The following ROR1 variants were observed in gnomAD, a reference collection of about 807,000 sequenced individuals.
ROR1 encodes the protein inactive tyrosine-protein kinase transmembrane receptor ROR1.
Under a neutral mutation model 78.8 loss-of-function variants are expected in ROR1, and 19 were observed. The ratio of observed to expected loss-of-function variants is 0.24; its 90% CI spans 0.17 to 0.35. The LOEUF (loss-of-function observed/expected upper bound fraction) is 0.35. Ranked by LOEUF, ROR1 falls within the 10% of genes least tolerant of loss-of-function variation. The pLI is 1.00. For synonymous variants in ROR1, 386 were observed against 433.6 expected, an observed-to-expected ratio of 0.89 and a Z score of 1.36; for missense variants, 917 against 1,177.8, an observed-to-expected ratio of 0.78 and a Z score of 3.24.
At chr1:63,836,268 T>C (rs983716028) in intron 1 of ROR1, among the ~76,000 whole-genome samples, 3 of 152,184 alleles carry the variant, frequency 2.0e-5, no homozygotes, top group African/African-American at 7.2e-5. Flanking sequence ...TTCACACTCA[T>C]TGTAGTGTCT....
At chr1:63,913,217 G>A (rs1346513690) in intron 1 of ROR1, among the ~76,000 whole-genome samples, 2 of 151,966 alleles carry the variant, frequency 1.3e-5, no homozygotes, top group Admixed American at 1.3e-4. Flanking sequence ...CACAAAATAT[G>A]GATATATTAA....
intron 1 of ROR1, among the ~76,000 whole-genome samples, chr1:63,899,381 C>T (rs896054932): frequency 1.3e-5 from 2 of 152,150 alleles, no homozygotes; most frequent in African/African-American, 4.8e-5. Context: ...GAATCTTTTG[C>T]CTTTTCTTTC....
chr1:64,058,898 G>A (rs1218620459), intron 4 of ROR1, among the ~76,000 whole-genome samples: 1 of 152,074 alleles, frequency 6.6e-6, no homozygotes, highest in African/African-American at 2.4e-5. Flanking sequence ...AGAAGAGTTT[G>A]TAAAGGATTT....
intron 7 of ROR1, among the ~76,000 whole-genome samples, chr1:64,150,277 C>T (rs1454372720): frequency 6.6e-6 from 1 of 151,780 alleles, no homozygotes; most frequent in Non-Finnish European, 1.5e-5. Context: ...AACCATTTGG[C>T]TCCATTTGGA....
At chr1:64,024,905 T>C (rs1272244895) in intron 2 of ROR1, among the ~76,000 whole-genome samples, 1 of 152,260 alleles carries the variant, frequency 6.6e-6, no homozygotes, top group African/African-American at 2.4e-5. Context: ...CTCTAACATA[T>C]TAATTTTTCT....
At chr1:64,028,803 A>G (rs961981789) in intron 2 of ROR1, 1 of 152,058 alleles carries the variant, frequency 6.6e-6, no homozygotes, top group Non-Finnish European at 1.5e-5. Context: ...ATCCAGTTAT[A>G]CTCTTTTAGT....
intron 1 of ROR1, among the ~76,000 whole-genome samples, chr1:63,931,730 G>A (rs1266882226): frequency 1.3e-5 from 2 of 152,130 alleles, no homozygotes; most frequent in Non-Finnish European, 2.9e-5. Flanking sequence ...GATCCTCACA[G>A]TGTATACTCA....
intron 1 of ROR1, among the ~76,000 whole-genome samples, chr1:63,836,008 CA>C (rs1244772997): frequency 1.3e-5 from 2 of 152,176 alleles, no homozygotes; most frequent in Non-Finnish European, 2.9e-5. Context: ...TGTCTCCCAG[CA>C]GAGATTTTAT....
intron 1 of ROR1, among the ~76,000 whole-genome samples, chr1:63,803,914 A>G (rs1041239074): frequency 6.6e-6 from 1 of 152,226 alleles, no homozygotes; most frequent in Non-Finnish European, 1.5e-5. Flanking sequence ...GGATGGGTCC[A>G]AAGGGAATTG....
chr1:63,897,482 G>A (rs1233913901), intron 1 of ROR1, among the ~76,000 whole-genome samples: 1 of 152,102 alleles, frequency 6.6e-6, no homozygotes, highest in Non-Finnish European at 1.5e-5. Flanking sequence ...TAGTGAAATC[G>A]AGGCTATGTT....
At chr1:64,168,710 T>G (rs1650156066) in intron 8 of ROR1, among the ~76,000 whole-genome samples, 1 of 152,246 alleles carries the variant, frequency 6.6e-6, no homozygotes, top group Non-Finnish European at 1.5e-5. Flanking sequence ...GGTTCTTATA[T>G]TTTTCTCTAC....
intron 1 of ROR1, among the ~76,000 whole-genome samples, chr1:63,902,483 A>T (rs1206257852): frequency 6.7e-6 from 1 of 149,482 alleles, no homozygotes; most frequent in East Asian, 2.0e-4. Context: ...ATGCCCAGCT[A>T]TTTTTTTTTT....
intron 8 of ROR1, among the ~76,000 whole-genome samples, chr1:64,160,236 T>C (rs2100730723): frequency 6.6e-6 from 1 of 152,258 alleles, no homozygotes; most frequent in South Asian, 2.1e-4. Flanking sequence ...AATCCTCTTA[T>C]CTAATAAATG....
At chr1:64,019,733 G>A (rs1200840262) in intron 2 of ROR1, among the ~76,000 whole-genome samples, 1 of 152,120 alleles carries the variant, frequency 6.6e-6, no homozygotes, top group Non-Finnish European at 1.5e-5. Context: ...GAGATACTGT[G>A]ACAGATTTAC....
intron 1 of ROR1, chr1:63,843,683 C>T: frequency 1.8e-6 from 1 of 540,724 alleles, no homozygotes. Context: ...ACACCAGAGG[C>T]CATGTTTCCA....
rs780974813 is a variant in ROR1 at position 63,819,448 on chromosome 1, T to C, written c.91+44940T>C. Among the ~76,000 whole-genome samples, 41 of 152,332 alleles carry C rather than the reference T, an allele frequency of 2.7e-4. 1 individual carries two copies. The highest frequency in any genetic ancestry group is 3.4e-3 in the Middle Eastern group (1 of 294). The stretch of plus-strand genomic sequence containing the variant: ...ACCTGCTTCCTTGTTGAGTGTGATC[T>C]TGAGCAAGTCACATAAGCTTCTTAA... On this transcript the variant is annotated intron_variant, in intron 1 of 8. Coordinates refer to ENST00000371079, the MANE Select transcript of ROR1 (RefSeq NM_005012.4).
chr1:64,123,678 C>T (rs1214898652), intron 4 of ROR1, among the ~76,000 whole-genome samples: 4 of 80,888 alleles, frequency 4.9e-5, no homozygotes, highest in South Asian at 5.6e-4. Flanking sequence ...GGATAAAAAA[C>T]GAGGTATGAT....
chr1:63,903,005 G>T (rs1048171151), intron 1 of ROR1, among the ~76,000 whole-genome samples: 2 of 152,150 alleles, frequency 1.3e-5, no homozygotes, highest in African/African-American at 4.8e-5. Context: ...TCAAAAGCTT[G>T]CTCAGAAACC....
intron 4 of ROR1, among the ~76,000 whole-genome samples, chr1:64,068,110 A>G (rs888101059): frequency 7.9e-5 from 12 of 152,208 alleles, no homozygotes; most frequent in East Asian, 7.7e-4. Flanking sequence ...TATGCAGGCA[A>G]TTTACAAAAT....
Sources: allele counts gnomAD v4.1 joint callset (sites outside exome capture counted in the v4.1 genomes callset), GRCh38; gene constraint gnomAD v4.1.1; transcripts MANE v1.5; gene names NCBI Gene and HGNC (gene_info 2026-07-23, HGNC 2026-07-21).